UNC5C: variants seen among roughly 807,000 people sequenced by gnomAD.
The protein encoded by UNC5C is netrin receptor UNC5C.
UNC5C carries 47 observed loss-of-function variants against 99.8 expected under a neutral mutation model. The ratio of observed to expected loss-of-function variants is 0.47; its 90% CI spans 0.37 to 0.60. UNC5C has a LOEUF of 0.60. UNC5C is among the 20% of genes least tolerant of loss of function. The probability of loss-of-function intolerance (pLI) is 0.00; values close to 1 mark genes in which losing one functional copy is unlikely to be tolerated. For missense variants in UNC5C, 1,062 were observed against 1,165.9 expected, an observed-to-expected ratio of 0.91 and a Z score of 1.30; for synonymous variants, 487 against 452.2, an observed-to-expected ratio of 1.08 and a Z score of -0.98.
At chr4:95,444,967 G>A (rs554158136) in intron 1 of UNC5C, among the ~76,000 whole-genome samples, 5 of 152,246 alleles carry the variant, frequency 3.3e-5, no homozygotes, top group African/African-American at 1.2e-4. Context: ...TTCATTGCAG[G>A]GTTTAATAAT....
chr4:95,464,185 A>G (rs185256943), intron 1 of UNC5C, among the ~76,000 whole-genome samples: 1 of 152,336 alleles, frequency 6.6e-6, no homozygotes, highest in East Asian at 1.9e-4. Context: ...AACTATTGAT[A>G]CTGAACCACA....
chr4:95,271,564 T>A (rs1393498406), intron 4 of UNC5C, among the ~76,000 whole-genome samples: 2 of 152,194 alleles, frequency 1.3e-5, no homozygotes, highest in Non-Finnish European at 2.9e-5. Flanking sequence ...TCTTAGGTCA[T>A]CTGAATAAAG....
chr4:95,468,009 G>T (rs1286499215), intron 1 of UNC5C, among the ~76,000 whole-genome samples: 1 of 152,092 alleles, frequency 6.6e-6, no homozygotes, highest in Non-Finnish European at 1.5e-5. Flanking sequence ...GGATGAGGAG[G>T]GGTTGGTCTT....
chr4:95,428,933 G>C (rs1224193142), intron 1 of UNC5C, among the ~76,000 whole-genome samples: 1 of 152,030 alleles, frequency 6.6e-6, no homozygotes, highest in South Asian at 2.1e-4. Flanking sequence ...GCACCACCCA[G>C]ATCCTTAACT....
chr4:95,271,228 A>T (rs1355304456), intron 4 of UNC5C, among the ~76,000 whole-genome samples: 2 of 102,896 alleles, frequency 1.9e-5, no homozygotes, highest in East Asian at 5.7e-4. Context: ...TTTATTTTTT[A>T]TTTATTTTTT....
chr4:95,308,034 GT>G (rs1256424426), intron 2 of UNC5C, among the ~76,000 whole-genome samples: 3 of 152,180 alleles, frequency 2.0e-5, no homozygotes, highest in Admixed American at 1.3e-4. Flanking sequence ...AAAGTTGAAA[GT>G]TTTTCCTCTA....
chr4:95,286,268 T>C (rs1228986315), intron 3 of UNC5C, among the ~76,000 whole-genome samples: 1 of 152,212 alleles, frequency 6.6e-6, no homozygotes, highest in Non-Finnish European at 1.5e-5. Flanking sequence ...TAAAGAGATA[T>C]GCAGGTATTA....
intron 1 of UNC5C, among the ~76,000 whole-genome samples, chr4:95,351,677 T>C (rs775403727): frequency 1.4e-5 from 2 of 143,856 alleles, no homozygotes; most frequent in Non-Finnish European, 3.0e-5. Context: ...AGAGTGAGAT[T>C]GTGTCTTTAA....
chr4:95,165,440 G>T lies in UNC5C; in HGVS notation c.*3794C>A, dbSNP rs1735824289. The T allele has an allele frequency of 6.6e-6, 1 of 152,228 alleles. No individual in the cohort carries two copies. Among genetic ancestry groups the T allele is most frequent in the Non-Finnish European group, 1.5e-5 (1 of 68,046 alleles). The allele number at this position is 152,228 out of a possible 1,614,324, so 9.4% of individuals were successfully genotyped here. ...GCATAGCAGAGGTGACTGTTCATTTGGAAGATGCCGTTTGTGAAACAGCTG... is the reference window on the plus strand; with the variant it reads ...GCATAGCAGAGGTGACTGTTCATTTTGAAGATGCCGTTTGTGAAACAGCTG... On this transcript the variant is annotated 3_prime_UTR_variant, in exon 16 of 16. Transcript: ENST00000453304.
In UNC5C at chr4:95,235,833, A is replaced by C. The variant is rs533970755; in HGVS notation, c.1108+6596T>G. ...TTTATGCAGCCAAAAGACACATGAA[A>C]AAATGATCATCACTGGCCATCAGAG... On this transcript the variant is annotated intron_variant, in intron 7 of 15. Transcript: ENST00000453304. Among the ~76,000 whole-genome samples, 3 of 152,320 alleles carry C rather than the reference A, an allele frequency of 2.0e-5. No homozygotes were observed. In the East Asian group the frequency reaches 5.8e-4, roughly 29 times the overall value.
At position 95,183,034 on chromosome 4, in the gene UNC5C, C is replaced by T. The variant is rs1343972810; in HGVS notation, c.2314G>A (p.Gly772Arg). ...GTGCAGTGCAGGTTTCTTTGAGATC[C>T]ACTCCAAACATGGTAAAATGGAATT... is the stretch of plus-strand genomic sequence containing the variant. Reference protein sequence around the residue: ...QEIPFYHVWSGSQRNLHCTFT... With the variant: ...QEIPFYHVWSRSQRNLHCTFT... Residue 772 changes from glycine to arginine, a missense_variant, in exon 14 of 16, where the codon GGA (glycine) becomes AGA (arginine). Physicochemically the swap from Gly to Arg is moderately radical, Grantham distance 125. Coordinates refer to ENST00000453304, the MANE Select transcript of UNC5C (RefSeq NM_003728.4). 2.5e-6 allele frequency: 4 copies of T among 1,608,980 alleles called. No homozygotes were observed. The South Asian group carries it at 3.3e-5, about 13-fold the overall frequency.
chr4:95,233,024 C>T (rs1352853271), intron 7 of UNC5C, among the ~76,000 whole-genome samples: 1 of 152,140 alleles, frequency 6.6e-6, no homozygotes, highest in Admixed American at 6.5e-5. Flanking sequence ...CGGTTATAAA[C>T]GTATCATTCT....
chr4:95,520,783 G>T (rs1350591815), intron 1 of UNC5C, among the ~76,000 whole-genome samples: 1 of 151,664 alleles, frequency 6.6e-6, no homozygotes, highest in Non-Finnish European at 1.5e-5. Context: ...TATTTTTTTA[G>T]TAGAGACGGG....
chr4:95,434,188 C>T (rs1396790139), intron 1 of UNC5C, among the ~76,000 whole-genome samples: 1 of 152,092 alleles, frequency 6.6e-6, no homozygotes, highest in Non-Finnish European at 1.5e-5. Flanking sequence ...ATGCAGATAG[C>T]AGTTGACTGA....
chr4:95,435,424 C>T (rs1729926233), intron 1 of UNC5C, among the ~76,000 whole-genome samples: 2 of 152,078 alleles, frequency 1.3e-5, no homozygotes. Context: ...GTTTAGTCTT[C>T]TGTCATAACT....
chr4:95,191,690 ACCTCCTCCCCTGCTTAC>A (rs1349278062), intron 12 of UNC5C, among the ~76,000 whole-genome samples: 2 of 111,448 alleles, frequency 1.8e-5, no homozygotes, highest in Non-Finnish European at 3.8e-5. Flanking sequence ...CTCCCCAATC[ACCTCCTCCCCTGCTTAC>A]CCTCCTTCCC....
intron 1 of UNC5C, among the ~76,000 whole-genome samples, chr4:95,477,294 G>A (rs1160282372): frequency 6.6e-6 from 1 of 151,982 alleles, no homozygotes; most frequent in Non-Finnish European, 1.5e-5. Flanking sequence ...CACGGTGAGG[G>A]TTAAACTATA....
intron 4 of UNC5C, among the ~76,000 whole-genome samples, chr4:95,273,948 T>G (rs1464442421): frequency 6.6e-6 from 1 of 152,150 alleles, no homozygotes; most frequent in Non-Finnish European, 1.5e-5. Context: ...GCTTTCCATC[T>G]CCTGAGGTGC....
intron 1 of UNC5C, among the ~76,000 whole-genome samples, chr4:95,464,043 C>T (rs141385799): frequency 2.9e-4 from 44 of 152,176 alleles, no homozygotes; most frequent in African/African-American, 9.9e-4. Flanking sequence ...AATACTTTTG[C>T]GTAAGCTGAA....
Sources: allele counts gnomAD v4.1 joint callset (sites outside exome capture counted in the v4.1 genomes callset), GRCh38; gene constraint gnomAD v4.1.1; transcripts MANE v1.5; gene names NCBI Gene and HGNC (gene_info 2026-07-23, HGNC 2026-07-21).